ABCA13: variants seen among roughly 807,000 people sequenced by gnomAD.
ABCA13 encodes ATP binding cassette subfamily A member 13.
Under a neutral mutation model 478.7 loss-of-function variants are expected in ABCA13, and 476 were observed. The observed-to-expected ratio is 0.99, with a 90% CI of 0.92 to 1.07. The LOEUF (loss-of-function observed/expected upper bound fraction) is 1.07, where lower values mean the gene tolerates loss of function less well. Ranked by LOEUF, ABCA13 falls within the 50% of genes least tolerant of loss-of-function variation. ABCA13 has a pLI of 0.00. For synonymous variants in ABCA13, 2,252 were observed against 2,158.9 expected (o/e 1.04, Z -1.20); for missense variants, 6,060 against 5,910.6 (o/e 1.03, Z -0.83).
chr7:48,423,237 C>G (rs1189301685), intron 41 of ABCA13, among the ~76,000 whole-genome samples: 2 of 152,186 alleles, frequency 1.3e-5, no homozygotes. Flanking sequence ...GTGTTTTCAT[C>G]TTCTGCTTCC....
chr7:48,562,522 A>G (rs1461836400), intron 55 of ABCA13, among the ~76,000 whole-genome samples: 2 of 151,738 alleles, frequency 1.3e-5, no homozygotes, highest in Admixed American at 6.6e-5. Context: ...GAAATGACAT[A>G]TGCAAACATA....
chr7:48,279,133 A>G lies in ABCA13; in HGVS notation c.7939A>G (p.Met2647Val), dbSNP rs910390381. 6.2e-7 allele frequency: 1 copy of G among 1,608,434 alleles called. No homozygotes were observed. The highest frequency in any genetic ancestry group is 8.5e-7 in the Non-Finnish European group (1 of 1,177,770). The change falls in exon 18 of 62, where the codon ATG becomes GTG. Residue 2647 changes from methionine to valine, a missense_variant. Physicochemically the swap from Met to Val is conservative, Grantham distance 21. This residue lies in a region of ABCA13 where 4,423 missense variants were observed against 4,309.1 expected (regional missense o/e 1.03). Transcript: ENST00000435803. ...TGCTGAATTTTTAACATCTGTGAAA[A>G]TGAACTTGGAAGATATGAGGAGTCT... ...EIAEFLTSVK[M>V]NLEDMRSLAV...
intron 15 of ABCA13, among the ~76,000 whole-genome samples, chr7:48,259,081 C>T (rs1793812762): frequency 6.6e-6 from 1 of 151,498 alleles, no homozygotes; most frequent in Non-Finnish European, 1.5e-5. Context: ...AATGTGTTTT[C>T]TGTTATTTTG....
rs752356929 is a variant in ABCA13, at chr7:48,588,755, C to T, written c.14640+1467C>T. On this transcript the variant is annotated intron_variant, in intron 57 of 61. Coordinates refer to ENST00000435803, the MANE Select transcript of ABCA13 (RefSeq NM_152701.5). ...CAGATGGTAAACCACAGTAAATATT[C>T]GTGACTATGATGATGGTTACTGTTC... Among the ~76,000 whole-genome samples the T allele has an allele frequency of 4.6e-5, 7 of 152,264 alleles. No individual in the cohort carries two copies. In the South Asian group the frequency reaches 8.3e-4, roughly 18 times the overall value.
intron 45 of ABCA13, 55 bp downstream of exon 45, chr7:48,471,654 A>T (rs1413461881): frequency 6.8e-7 from 1 of 1,461,770 alleles, no homozygotes; most frequent in Admixed American, 2.2e-5. Context: ...AGTGACAAAA[A>T]TGAGTTTACC....
intron 39 of ABCA13, 57 bp downstream of exon 39, chr7:48,403,936 G>C: frequency 6.5e-7 from 1 of 1,544,798 alleles, no homozygotes; most frequent in Non-Finnish European, 8.8e-7. Context: ...TGCAGGAAAT[G>C]CATTGCTACT....
At position 48,227,398 on chromosome 7, in the gene ABCA13, C is replaced by T. The variant is rs969005051; in HGVS notation, c.605C>T (p.Ala202Val). 6.2e-7 allele frequency: 1 copy of T among 1,613,940 alleles called. No individual in the cohort carries two copies. Among genetic ancestry groups the T allele is most frequent in the African/African-American group, 1.3e-5 (1 of 75,010 alleles). The change falls in exon 6 of 62, where the codon GCA becomes GTA. Residue 202 changes from alanine (A) to valine (V), a missense_variant. This residue lies in a region of ABCA13 where 4,423 missense variants were observed against 4,309.1 expected (regional missense o/e 1.03). Transcript: ENST00000435803. ...HDHVEDGMDV[A>V]VNLLQTILNS... ...CATGTGGAAGATGGCATGGATGTTG[C>T]AGTGAACCTTCTCCAGACCATTTTG...
At chr7:48,260,714 T>A (rs957839132) in intron 15 of ABCA13, among the ~76,000 whole-genome samples, 19 of 151,984 alleles carry the variant, frequency 1.3e-4, no homozygotes, top group Non-Finnish European at 2.4e-4. Flanking sequence ...AATGTATAAA[T>A]GTCTTCTTCT....
At chr7:48,413,711 G>A (rs1180371997) in intron 41 of ABCA13, among the ~76,000 whole-genome samples, 1 of 152,236 alleles carries the variant, frequency 6.6e-6, no homozygotes, top group Non-Finnish European at 1.5e-5. Context: ...ATAAATCAGT[G>A]TGGTCCCAAG....
At chr7:48,238,887 G>T (rs531484981) in intron 8 of ABCA13, among the ~76,000 whole-genome samples, 4 of 152,294 alleles carry the variant, frequency 2.6e-5, no homozygotes, top group African/African-American at 9.6e-5. Context: ...AGTCAGAAAA[G>T]AAAATGTTCT....
chr7:48,328,976 A>G (rs967162866), intron 27 of ABCA13, among the ~76,000 whole-genome samples: 1 of 152,150 alleles, frequency 6.6e-6, no homozygotes, highest in Non-Finnish European at 1.5e-5. Flanking sequence ...GGGAATATCT[A>G]TCAATACTAC....
At chr7:48,268,072 A>T (rs570250770) in intron 15 of ABCA13, among the ~76,000 whole-genome samples, 7 of 152,252 alleles carry the variant, frequency 4.6e-5, no homozygotes, top group Admixed American at 6.5e-5. Context: ...TGAATTATGA[A>T]TATTTCAGTC....
intron 1 of ABCA13, among the ~76,000 whole-genome samples, chr7:48,185,943 C>G (rs1008608362): frequency 1.3e-5 from 2 of 151,898 alleles, no homozygotes; most frequent in Non-Finnish European, 2.9e-5. Flanking sequence ...TTAATCCTCT[C>G]AATCATTGAT....
intron 51 of ABCA13, among the ~76,000 whole-genome samples, chr7:48,512,084 A>C (rs1831736079): frequency 6.6e-6 from 1 of 152,026 alleles, no homozygotes; most frequent in African/African-American, 2.4e-5. Context: ...AGACAGGGAG[A>C]GAGAGATTAA....
chr7:48,488,527 C>A (rs951793718), intron 47 of ABCA13, among the ~76,000 whole-genome samples: 2 of 152,154 alleles, frequency 1.3e-5, no homozygotes, highest in African/African-American at 4.8e-5. Flanking sequence ...AAGGCAGCCT[C>A]TTCTAGAGAA....
intron 27 of ABCA13, among the ~76,000 whole-genome samples, chr7:48,330,737 A>C (rs1188775668): frequency 2.2e-5 from 3 of 136,846 alleles, no homozygotes; most frequent in South Asian, 4.9e-4. Flanking sequence ...ATCCATTGAC[A>C]CATCCATCCA....
chr7:48,488,952 G>C (rs936040222), intron 47 of ABCA13, among the ~76,000 whole-genome samples: 2 of 152,072 alleles, frequency 1.3e-5, no homozygotes, highest in African/African-American at 4.8e-5. Context: ...ATAGGGTTTG[G>C]TTCCTTTATT....
chr7:48,413,299 G>A (rs879338088), intron 41 of ABCA13, among the ~76,000 whole-genome samples: 4 of 152,158 alleles, frequency 2.6e-5, no homozygotes, highest in Admixed American at 6.5e-5. Context: ...GGTTTAGCAC[G>A]GGAACACTGC....
intron 59 of ABCA13, among the ~76,000 whole-genome samples, chr7:48,630,844 C>T (rs565216965): frequency 2.0e-5 from 3 of 151,136 alleles, no homozygotes; most frequent in Admixed American, 2.0e-4. Context: ...TTAATAATAG[C>T]CATCCTGACT....
Sources: allele counts gnomAD v4.1 joint callset (sites outside exome capture counted in the v4.1 genomes callset), GRCh38; gene constraint gnomAD v4.1.1; regional missense constraint gnomAD v4.1.1; transcripts MANE v1.5; gene names NCBI Gene and HGNC (gene_info 2026-07-23, HGNC 2026-07-21).